Variants in DYNC1LI2 observed in about 807,000 individuals in gnomAD.
The protein encoded by DYNC1LI2 is dynein cytoplasmic 1 light intermediate chain 2.
A neutral mutation model predicts 57.8 loss-of-function variants in DYNC1LI2; 19 were observed. The ratio of observed to expected loss-of-function variants is 0.33; its 90% CI spans 0.23 to 0.48. The LOEUF (loss-of-function observed/expected upper bound fraction) is 0.48, where lower values mean the gene tolerates loss of function less well. Among genes scored for constraint, DYNC1LI2 ranks in the 20% least tolerant of loss-of-function variants. DYNC1LI2 has a pLI of 0.99. For missense variants in DYNC1LI2, 470 were observed against 604.2 expected, an observed-to-expected ratio of 0.78 and a Z score of 2.33; for synonymous variants, 256 against 233.4, an observed-to-expected ratio of 1.10 and a Z score of -0.88.
rs1019317500 is a variant in DYNC1LI2 at position 66,723,297 on chromosome 16, T to C, written c.*425A>G. The C allele has an allele frequency of 2.2e-6, 1 of 456,784 alleles. No individual in the cohort carries two copies. The highest frequency in any genetic ancestry group is 4.4e-6 in the Non-Finnish European group (1 of 226,902). 28.3% of individuals were successfully genotyped at this position (456,784 alleles called of 1,614,324 possible). A position where few individuals can be genotyped will look rare whatever the true frequency, so the allele number is the denominator to read the frequency against. On this transcript the variant is annotated 3_prime_UTR_variant, in exon 13 of 13. Coordinates refer to ENST00000258198, the MANE Select transcript of DYNC1LI2 (RefSeq NM_006141.3). Reference sequence around the variant, plus strand: ...ATTACTCCTTCTGGTCTTTCTTTCCTGGACTTTCTGCTACTTAATCTGCTT... The same window carrying C: ...ATTACTCCTTCTGGTCTTTCTTTCCCGGACTTTCTGCTACTTAATCTGCTT...
Position 66,751,008 on chromosome 16 carries a change from G to C in DYNC1LI2, c.181+265C>G, listed in dbSNP as rs2018037111. Among the ~76,000 whole-genome samples the C allele has an allele frequency of 6.6e-6, 1 of 152,148 alleles. No homozygotes were observed. The highest frequency in any genetic ancestry group is 1.5e-5 in the Non-Finnish European group (1 of 68,026). On this transcript the variant is annotated intron_variant, in intron 2 of 12. Coordinates refer to ENST00000258198, the MANE Select transcript of DYNC1LI2 (RefSeq NM_006141.3). The surrounding 1 kb of genome is among the most constrained non-coding windows in gnomAD (Gnocchi z 5.2). ...CCACGACCTCAATTTGGTAACCGTC[G>C]AGGCAATGAAGGCATAGAGGGCCAA...
In DYNC1LI2 at chr16:66,728,250, G is replaced by A. The variant is rs548477560; in HGVS notation, c.1102-8C>T. ...TTGCTTGGCAAGGAGTGACTGCAAA[G>A]AGAGGGACAAACTGGCTATTAACCA... is the stretch of plus-strand genomic sequence containing the variant. On this transcript the variant is annotated splice_polypyrimidine_tract_variant and splice_region_variant and intron_variant, in intron 9 of 12. Transcript: ENST00000258198. 6.2e-7 allele frequency: 1 copy of A among 1,613,994 alleles called. No individual in the cohort carries two copies. The highest frequency in any genetic ancestry group is 2.2e-5 in the East Asian group (1 of 44,884).
Position 66,722,732 on chromosome 16 carries a change from A to T in DYNC1LI2, c.*990T>A, listed in dbSNP as rs1312276234. 1 of 153,310 alleles carries T rather than the reference A, an allele frequency of 6.5e-6. No homozygotes were observed. The highest frequency in any genetic ancestry group is 1.9e-4 in the East Asian group (1 of 5,210). The allele number at this position is 153,310 out of a possible 1,614,324, so 9.5% of individuals were successfully genotyped here. A position where few individuals can be genotyped will look rare whatever the true frequency, so the allele number is the denominator to read the frequency against. Reference sequence around the variant, plus strand: ...GGTACGAGCCAATTAACCAGAGTGCAATTACATTAAAAACCTCCCCCAAAC... The same window carrying T: ...GGTACGAGCCAATTAACCAGAGTGCTATTACATTAAAAACCTCCCCCAAAC... On this transcript the variant is annotated 3_prime_UTR_variant, in exon 13 of 13. Coordinates refer to ENST00000258198, the MANE Select transcript of DYNC1LI2 (RefSeq NM_006141.3).
chr16:66,749,444 C>A, intron 2 of DYNC1LI2, 131 bp from the exon 3 acceptor site: 6 of 887,352 alleles, frequency 6.8e-6, no homozygotes, highest in East Asian at 2.5e-5. Context: ...CACCTGCTTT[C>A]ATAAACAAAG....
At chr16:66,728,371 C>A (rs1779096751) in intron 9 of DYNC1LI2, 129 bp from the exon 10 acceptor site, 1 of 1,008,372 alleles carries the variant, frequency 9.9e-7, no homozygotes, top group South Asian at 1.7e-5. Context: ...ATGTTTTATA[C>A]CACAGATGCC....
Position 66,751,608 on chromosome 16 carries a change from A to G in DYNC1LI2, c.-17T>C. The G allele has an allele frequency of 6.4e-7, 1 of 1,566,144 alleles. No individual in the cohort carries two copies. Among genetic ancestry groups the G allele is most frequent in the Non-Finnish European group, 8.6e-7 (1 of 1,159,244 alleles). ...CGGCGCCATCTTGCCAACTGCAGCC[A>G]CAAAGAGGGCCCTCCCCCGGGCCCG... On this transcript the variant is annotated 5_prime_UTR_variant, in exon 1 of 13. Coordinates refer to ENST00000258198, the MANE Select transcript of DYNC1LI2 (RefSeq NM_006141.3). This position sits in a 1 kb window ranked among gnomAD's most constrained non-coding sequence, Gnocchi z 5.2.
rs1020614652 is a variant in DYNC1LI2, at chr16:66,725,719, T to G, written c.1378+109A>C. The G allele has an allele frequency of 5.0e-5, 54 of 1,077,744 alleles. No individual in the cohort carries two copies. The African/African-American group carries it at 7.3e-4, about 15-fold the overall frequency. 66.8% of individuals were successfully genotyped at this position (1,077,744 alleles called of 1,614,324 possible). The stretch of plus-strand genomic sequence containing the variant: ...AGTAGGAAATGAAGACCTGCTTCCT[T>G]GCTTGGCTATTCAGGACACTGCAGG... On this transcript the variant is annotated intron_variant, in intron 12 of 12. Transcript: ENST00000258198.
Position 66,722,312 on chromosome 16 carries a change from C to T in DYNC1LI2, c.*1410G>A, listed in dbSNP as rs537718730. The T allele has an allele frequency of 1.8e-4, 28 of 152,720 alleles. No individual in the cohort carries two copies. Among genetic ancestry groups the T allele is most frequent in the Admixed American group, 1.7e-3 (26 of 15,302 alleles). 9.5% of individuals were successfully genotyped at this position (152,720 alleles called of 1,614,324 possible). The stretch of plus-strand genomic sequence containing the variant: ...CAAACATTCATATAAAAAAAGTAAA[C>T]TCCACATGGTGAACTGTGGTTTTTT... On this transcript the variant is annotated 3_prime_UTR_variant, in exon 13 of 13. Coordinates refer to ENST00000258198, the MANE Select transcript of DYNC1LI2 (RefSeq NM_006141.3).
At position 66,734,744 on chromosome 16, in the gene DYNC1LI2, C is replaced by T. The variant is rs914777018; in HGVS notation, c.700-433G>A. On this transcript the variant is annotated intron_variant, in intron 5 of 12. Transcript: ENST00000258198. ...AGGCGTGGTGGCTTACACTTGTAAT[C>T]CCAACACTCTGGGAGGTCAAGGTGG... Among the ~76,000 whole-genome samples, 3 of 151,870 alleles carry T rather than the reference C, an allele frequency of 2.0e-5. No individual in the cohort carries two copies. In the East Asian group the frequency reaches 5.8e-4, roughly 29 times the overall value.
At chr16:66,749,062 A>C (rs565780905) in intron 3 of DYNC1LI2, 135 bp downstream of exon 3, 1 of 848,436 alleles carries the variant, frequency 1.2e-6, no homozygotes, top group African/African-American at 1.7e-5. Context: ...TACGTACTTC[A>C]TCTATTCTGT....
At chr16:66,726,993 C>T (rs900049547) in intron 11 of DYNC1LI2, among the ~76,000 whole-genome samples, 1 of 151,992 alleles carries the variant, frequency 6.6e-6, no homozygotes, top group Non-Finnish European at 1.5e-5. Context: ...CACAGCTCAA[C>T]TGCAGCCTCA....
Position 66,734,324 on chromosome 16 carries a change from C to T in DYNC1LI2, c.700-13G>A, listed in dbSNP as rs1330578504. ...TCACCGCATCACACTGCAGGGAAGACAGACAGAGTCACCTTTTTGCTTCAT... is the reference window on the plus strand; with the variant it reads ...TCACCGCATCACACTGCAGGGAAGATAGACAGAGTCACCTTTTTGCTTCAT... On this transcript the variant is annotated splice_polypyrimidine_tract_variant and intron_variant, in intron 5 of 12. Transcript: ENST00000258198. 6.2e-7 allele frequency: 1 copy of T among 1,613,160 alleles called. No homozygotes were observed. The highest frequency in any genetic ancestry group is 1.3e-5 in the African/African-American group (1 of 74,900).
intron 5 of DYNC1LI2, among the ~76,000 whole-genome samples, chr16:66,735,386 C>T (rs2017715680): frequency 6.6e-6 from 1 of 152,128 alleles, no homozygotes; most frequent in Non-Finnish European, 1.5e-5. Flanking sequence ...CATGAGCCAC[C>T]ATGTCTGGCA....
In DYNC1LI2 at chr16:66,751,282, G is replaced by A. The variant is rs754765250; in HGVS notation, c.172C>T (p.Leu58=). 8 of 1,611,786 alleles carry A rather than the reference G, an allele frequency of 5.0e-6. No homozygotes were observed. The African/African-American group carries it at 9.4e-5, about 19-fold the overall frequency. ...CGCCGCCGGCGCTCACCGAAGACCA[G>A]GATGTTCTTGCCGGACGGCAGCTTG... The part of the protein sequence containing the change: ...RSKLPSGKNI[L]VFGEDGSGKT... Residue 58 remains leucine, a synonymous_variant, in exon 2 of 13, where the codon CTG becomes TTG. Coordinates refer to ENST00000258198, the MANE Select transcript of DYNC1LI2 (RefSeq NM_006141.3). This position sits in a 1 kb window ranked among gnomAD's most constrained non-coding sequence, Gnocchi z 5.2.
At chr16:66,736,422 T>C (rs1451076917) in intron 4 of DYNC1LI2, among the ~76,000 whole-genome samples, 178 bp from the exon 5 acceptor site, 1 of 152,198 alleles carries the variant, frequency 6.6e-6, no homozygotes, top group Non-Finnish European at 1.5e-5. Context: ...AAAATGCCAA[T>C]TCTGAAATAT....
Position 66,722,298 on chromosome 16 carries a change from A to C in DYNC1LI2, c.*1424T>G, listed in dbSNP as rs2017462202. On this transcript the variant is annotated 3_prime_UTR_variant, in exon 13 of 13. Transcript: ENST00000258198. ...TAGACACAGTACAACAAACATTCAT[A>C]TAAAAAAAGTAAACTCCACATGGTG... 1 of 152,668 alleles carries C rather than the reference A, an allele frequency of 6.6e-6. No homozygotes were observed. The highest frequency in any genetic ancestry group is 6.5e-5 in the Admixed American group (1 of 15,284). 9.5% of individuals were successfully genotyped at this position (152,668 alleles called of 1,614,324 possible).
At chr16:66,728,891 T>C in intron 9 of DYNC1LI2, 149 bp downstream of exon 9, 1 of 781,982 alleles carries the variant, frequency 1.3e-6, no homozygotes, top group Non-Finnish European at 2.2e-6. Flanking sequence ...ATCCTAGAAA[T>C]AAGGAGGGAA....
intron 10 of DYNC1LI2, 179 bp from the exon 11 acceptor site, chr16:66,727,984 T>A: frequency 1.2e-6 from 1 of 844,066 alleles, no homozygotes; most frequent in Non-Finnish European, 1.8e-6. Flanking sequence ...GACATCCAGA[T>A]AACAAAGCCA....
In DYNC1LI2 at chr16:66,751,139, G is replaced by C. The variant is rs2018040969; in HGVS notation, c.181+134C>G. ...AGGCTTGACCACTCTCCAGCTGACCGGCCAGGGCCGACGGTCCCTTTCCCG... is the reference window on the plus strand; with the variant it reads ...AGGCTTGACCACTCTCCAGCTGACCCGCCAGGGCCGACGGTCCCTTTCCCG... On this transcript the variant is annotated intron_variant, in intron 2 of 12. Transcript: ENST00000258198. The surrounding 1 kb of genome is among the most constrained non-coding windows in gnomAD (Gnocchi z 5.2). 3.8e-6 allele frequency: 4 copies of C among 1,046,544 alleles called. No individual in the cohort carries two copies. Among genetic ancestry groups the C allele is most frequent in the Non-Finnish European group, 5.4e-6 (4 of 737,806 alleles). The allele number at this position is 1,046,544 out of a possible 1,614,324, so 64.8% of individuals were successfully genotyped here. A position where few individuals can be genotyped will look rare whatever the true frequency, so the allele number is the denominator to read the frequency against.
Sources: gnomAD v4.1 joint callset for allele counts (sites outside exome capture counted in the v4.1 genomes callset) on GRCh38, gnomAD v4.1.1 for gene constraint, Gnocchi (gnomAD v3.1) non-coding constraint, MANE v1.5 for transcripts, NCBI Gene and HGNC (gene_info 2026-07-23, HGNC 2026-07-21) for gene names.